TP63: variants seen among roughly 807,000 people sequenced by gnomAD.
TP63 encodes the protein tumor protein p63, also known as tumor protein 63.
In TP63, 17 loss-of-function variants were observed where a neutral mutation model predicts 82.8. The ratio of observed to expected loss-of-function variants is 0.21; its 90% CI spans 0.14 to 0.31. TP63 has a LOEUF of 0.31. Among genes scored for constraint, TP63 ranks in the 10% least tolerant of loss-of-function variants. The pLI is 1.00. For missense variants in TP63, 648 were observed against 895.3 expected (o/e 0.72, Z 3.52); for synonymous variants, 330 against 321.7 (o/e 1.03, Z -0.28).
intron 4 of TP63, among the ~76,000 whole-genome samples, chr3:189,840,118 C>T (rs536814923): frequency 7.2e-5 from 11 of 152,244 alleles, no homozygotes; most frequent in African/African-American, 2.2e-4. Context: ...ATACATCAAG[C>T]GTAAGTCTTA....
At chr3:189,654,660 A>T (rs1358778049) in intron 1 of TP63, among the ~76,000 whole-genome samples, 1 of 152,188 alleles carries the variant, frequency 6.6e-6, no homozygotes, top group African/African-American at 2.4e-5. Flanking sequence ...ATATTTAAAA[A>T]CCCTAAAAAA....
chr3:189,712,211 C>T (rs1464376288), intron 1 of TP63, among the ~76,000 whole-genome samples: 2 of 152,144 alleles, frequency 1.3e-5, no homozygotes, highest in East Asian at 3.9e-4. Flanking sequence ...ACGTAAACAA[C>T]TAACTACTGC....
chr3:189,812,485 A>G (rs1027294824), intron 4 of TP63, among the ~76,000 whole-genome samples: 1 of 152,188 alleles, frequency 6.6e-6, no homozygotes, highest in African/African-American at 2.4e-5. Context: ...CTGGTCTAGC[A>G]TTGTAGTTGG....
chr3:189,851,619 C>T (rs1355623969), intron 4 of TP63, among the ~76,000 whole-genome samples: 1 of 152,010 alleles, frequency 6.6e-6, no homozygotes, highest in Non-Finnish European at 1.5e-5. Context: ...CCCTTTGGAG[C>T]AGAAAGAAGT....
intron 3 of TP63, among the ~76,000 whole-genome samples, chr3:189,796,213 T>G (rs1288809022): frequency 6.6e-6 from 1 of 151,940 alleles, no homozygotes; most frequent in African/African-American, 2.4e-5. Flanking sequence ...AATAAAAAAT[T>G]TAAGATATTA....
chr3:189,630,548 G>A (rs1323244910), upstream of TP63, among the ~76,000 whole-genome samples: 1 of 152,052 alleles, frequency 6.6e-6, no homozygotes, highest in Non-Finnish European at 1.5e-5. Flanking sequence ...AGAATAGAGT[G>A]GAGCCGACTG....
chr3:189,750,463 A>G (rs1259563458), intron 3 of TP63, among the ~76,000 whole-genome samples: 1 of 152,244 alleles, frequency 6.6e-6, no homozygotes, highest in African/African-American at 2.4e-5. Flanking sequence ...AAGTACATAA[A>G]GGAGAGGACT....
At position 189,631,535 on chromosome 3, in the gene TP63, G is replaced by C; in HGVS notation, c.20G>C (p.Arg7Pro). Reference protein sequence around the residue: MNFETSRCATLQYCPDP... With the variant: MNFETSPCATLQYCPDP... ...AAGGAAATGAATTTTGAAACTTCACGGTGTGCCACCCTACAGTACTGCCCT... is the reference window on the plus strand; with the variant it reads ...AAGGAAATGAATTTTGAAACTTCACCGTGTGCCACCCTACAGTACTGCCCT... The change falls in exon 1 of 14, where the codon CGG (arginine) becomes CCG (proline). Residue 7 changes from arginine to proline, a missense_variant. Arg to Pro is a moderately radical substitution (Grantham distance 103, BLOSUM62 -2). This residue lies in a region of TP63 where 182 missense variants were observed against 213.6 expected (regional missense o/e 0.85). Transcript: ENST00000264731. 3 of 1,612,730 alleles carry C rather than the reference G, an allele frequency of 1.9e-6. No individual in the cohort carries two copies. The highest frequency in any genetic ancestry group is 1.7e-4 in the Middle Eastern group (1 of 6,050).
chr3:189,623,618 T>A, the TP63 span, among the ~76,000 whole-genome samples: 4 of 152,198 alleles, frequency 2.6e-5, no homozygotes, highest in Non-Finnish European at 5.9e-5. Flanking sequence ...AGCACACTGA[T>A]GGGGACACAG....
At chr3:189,599,285 T>C in the TP63 span, among the ~76,000 whole-genome samples, 75,733 of 151,962 alleles carry the variant, frequency 0.5, 19,349 homozygotes, top group East Asian at 0.72. Flanking sequence ...CCAGCCACTT[T>C]GCTTTCTCAA....
intron 4 of TP63, among the ~76,000 whole-genome samples, chr3:189,815,357 T>C (rs961489750): frequency 3.3e-5 from 5 of 152,116 alleles, no homozygotes; most frequent in African/African-American, 9.7e-5. Flanking sequence ...CCAAATGTCA[T>C]TGGAGTCAGG....
At chr3:189,799,339 C>A (rs1239850723) in intron 3 of TP63, among the ~76,000 whole-genome samples, 1 of 151,972 alleles carries the variant, frequency 6.6e-6, no homozygotes, top group Non-Finnish European at 1.5e-5. Context: ...GGCCTATCTA[C>A]CAGAAACTAA....
At chr3:189,626,318 C>T in the TP63 span, among the ~76,000 whole-genome samples, 6 of 152,122 alleles carry the variant, frequency 3.9e-5, no homozygotes, top group Non-Finnish European at 7.3e-5. Flanking sequence ...TAAAAATCAC[C>T]AAACTCAGTC....
At chr3:189,776,484 T>C (rs907743610) in intron 3 of TP63, among the ~76,000 whole-genome samples, 1 of 152,230 alleles carries the variant, frequency 6.6e-6, no homozygotes, top group African/African-American at 2.4e-5. Context: ...TTGCTTTCTA[T>C]TAAAGGCTCA....
chr3:189,603,650 TA>T, the TP63 span, among the ~76,000 whole-genome samples: 9,791 of 50,728 alleles, frequency 0.19, 1,190 homozygotes, highest in African/African-American at 0.3. Flanking sequence ...TTGCCTTCAT[TA>T]AAAAAAAAAA....
the TP63 span, among the ~76,000 whole-genome samples, chr3:189,610,709 C>A: frequency 6.6e-6 from 1 of 152,208 alleles, no homozygotes. Context: ...TCCACATTTT[C>A]AGATATCTTT....
intron 4 of TP63, among the ~76,000 whole-genome samples, chr3:189,823,824 C>G (rs1263058369): frequency 6.6e-6 from 1 of 152,118 alleles, no homozygotes; most frequent in African/African-American, 2.4e-5. Flanking sequence ...GGAAGTCTAT[C>G]ATGCAAACCG....
the TP63 span, among the ~76,000 whole-genome samples, chr3:189,601,898 T>A: frequency 1.3e-5 from 2 of 152,174 alleles, no homozygotes; most frequent in African/African-American, 4.8e-5. Flanking sequence ...TGGAAAGAGA[T>A]GCCCACGGTA....
At position 189,894,338 on chromosome 3, in the gene TP63, A is replaced by G. The variant is rs575345871; in HGVS notation, c.1879A>G (p.Ser627Gly). The G allele has an allele frequency of 6.2e-7, 1 of 1,613,968 alleles. No homozygotes were observed. The highest frequency in any genetic ancestry group is 1.3e-5 in the African/African-American group (1 of 74,992). ...LRTPSSASTV[S>G]VGSSETRGER... Reference sequence around the variant, plus strand: ...GACCCCAAGCAGTGCCTCTACAGTCAGTGTGGGCTCCAGTGAGACCCGGGG... The same window carrying G: ...GACCCCAAGCAGTGCCTCTACAGTCGGTGTGGGCTCCAGTGAGACCCGGGG... Residue 627 changes from serine to glycine, a missense_variant, in exon 14 of 14, where the codon AGT becomes GGT. By Grantham distance (56) the Ser-to-Gly change is moderately conservative (BLOSUM62 0). This residue lies in a region of TP63 where 342 missense variants were observed against 425.7 expected (regional missense o/e 0.80). Transcript: ENST00000264731.
Sources: gnomAD v4.1 joint callset for allele counts (sites outside exome capture counted in the v4.1 genomes callset) on GRCh38, gnomAD v4.1.1 for gene constraint, gnomAD v4.1.1 regional missense constraint, MANE v1.5 for transcripts, NCBI Gene and HGNC (gene_info 2026-07-23, HGNC 2026-07-21) for gene names.